Variants in KCTD8 observed in about 807,000 individuals in gnomAD.
KCTD8 encodes the protein potassium channel tetramerization domain containing 8, also known as BTB/POZ domain-containing protein KCTD8.
KCTD8 carries 27 observed loss-of-function variants against 31.5 expected under a neutral mutation model. The ratio of observed to expected loss-of-function variants is 0.86; its 90% CI spans 0.63 to 1.18. The LOEUF (loss-of-function observed/expected upper bound fraction) is 1.18, where lower values mean the gene tolerates loss of function less well. Ranked by LOEUF, KCTD8 falls within the 50% of genes most tolerant of loss-of-function variation. KCTD8 has a pLI of 0.00. For synonymous variants in KCTD8, 290 were observed against 280.0 expected (o/e 1.04, Z -0.36); for missense variants, 658 against 647.7 (o/e 1.02, Z -0.17).
intron 1 of KCTD8, among the ~76,000 whole-genome samples, chr4:44,249,214 A>G (rs927785288): frequency 6.6e-6 from 1 of 151,794 alleles, no homozygotes. Flanking sequence ...TTATGAACAA[A>G]GAAATATAGG....
intron 1 of KCTD8, among the ~76,000 whole-genome samples, chr4:44,320,983 C>T (rs554320215): frequency 2.1e-4 from 32 of 152,286 alleles, no homozygotes; most frequent in African/African-American, 7.5e-4. Flanking sequence ...CCAAAAATAG[C>T]ATTCCCAGGT....
At chr4:44,199,299 C>T (rs751380822) in intron 1 of KCTD8, among the ~76,000 whole-genome samples, 2 of 152,020 alleles carry the variant, frequency 1.3e-5, no homozygotes, top group Non-Finnish European at 2.9e-5. Flanking sequence ...ACCATTTGGA[C>T]CAAATAGATA....
intron 1 of KCTD8, among the ~76,000 whole-genome samples, chr4:44,245,790 C>A (rs2109359084): frequency 6.6e-6 from 1 of 152,006 alleles, no homozygotes; most frequent in Non-Finnish European, 1.5e-5. Context: ...AAGCAGCTAA[C>A]TCTTATGAAA....
chr4:44,231,863 G>T (rs1374694758), intron 1 of KCTD8, among the ~76,000 whole-genome samples: 2 of 151,670 alleles, frequency 1.3e-5, no homozygotes, highest in Non-Finnish European at 2.9e-5. Context: ...ATCAGTTCAG[G>T]TTGATTCTAA....
intron 1 of KCTD8, among the ~76,000 whole-genome samples, chr4:44,426,045 G>C (rs1032694117): frequency 6.6e-6 from 1 of 151,346 alleles, no homozygotes; most frequent in Non-Finnish European, 1.5e-5. Context: ...TAGAAACCAA[G>C]TAAAAGACTA....
intron 1 of KCTD8, among the ~76,000 whole-genome samples, chr4:44,310,837 T>G (rs2109398985): frequency 6.6e-6 from 1 of 152,272 alleles, no homozygotes; most frequent in Admixed American, 6.5e-5. Context: ...TGTGAGTGGG[T>G]GTGCAGACAC....
At chr4:44,354,869 C>A (rs190503378) in intron 1 of KCTD8, among the ~76,000 whole-genome samples, 1 of 152,096 alleles carries the variant, frequency 6.6e-6, no homozygotes, top group Non-Finnish European at 1.5e-5. Context: ...GGACATCATG[C>A]AGTTAGTATG....
chr4:44,242,834 CT>C (rs1016544441), intron 1 of KCTD8, among the ~76,000 whole-genome samples: 1 of 152,050 alleles, frequency 6.6e-6, no homozygotes, highest in African/African-American at 2.4e-5. Flanking sequence ...CCCTCTTCCT[CT>C]TGCTCCTGCT....
chr4:44,409,789 A>G (rs1294692917), intron 1 of KCTD8, among the ~76,000 whole-genome samples: 1 of 47,534 alleles, frequency 2.1e-5, no homozygotes, highest in Non-Finnish European at 5.2e-5. Flanking sequence ...AGTTTAGAGT[A>G]TATTAAAAAA....
chr4:44,284,518 C>A (rs1399817892), intron 1 of KCTD8, among the ~76,000 whole-genome samples: 1 of 152,072 alleles, frequency 6.6e-6, no homozygotes, highest in Non-Finnish European at 1.5e-5. Context: ...TCACAAAAAT[C>A]CTAGAAGAAA....
intron 1 of KCTD8, among the ~76,000 whole-genome samples, chr4:44,334,292 T>G (rs570656186): frequency 6.6e-6 from 1 of 152,228 alleles, no homozygotes; most frequent in South Asian, 2.1e-4. Context: ...CACATTCTGG[T>G]TATAAGGTAA....
chr4:44,326,622 C>A (rs1394638835), intron 1 of KCTD8, among the ~76,000 whole-genome samples: 1 of 151,790 alleles, frequency 6.6e-6, no homozygotes, highest in African/African-American at 2.4e-5. Context: ...ACAAATATGT[C>A]TTTCTTCCTC....
chr4:44,358,564 T>C (rs1719406482), intron 1 of KCTD8, among the ~76,000 whole-genome samples: 1 of 134,798 alleles, frequency 7.4e-6, no homozygotes, highest in Non-Finnish European at 1.7e-5. Flanking sequence ...TGTTGTTTCC[T>C]GACTTTTTTT....
intron 1 of KCTD8, among the ~76,000 whole-genome samples, chr4:44,176,473 T>C (rs2109327653): frequency 6.6e-6 from 1 of 152,248 alleles, no homozygotes; most frequent in East Asian, 1.9e-4. Context: ...GTCTAATATA[T>C]ATGAAATGAA....
chr4:44,423,144 G>A (rs1721262405), intron 1 of KCTD8, among the ~76,000 whole-genome samples: 1 of 152,056 alleles, frequency 6.6e-6, no homozygotes, highest in African/African-American at 2.4e-5. Context: ...AGCATCTGTT[G>A]GCTAGAGGAC....
At chr4:44,289,816 C>T (rs540223164) in intron 1 of KCTD8, among the ~76,000 whole-genome samples, 14 of 152,236 alleles carry the variant, frequency 9.2e-5, no homozygotes, top group East Asian at 5.8e-4. Flanking sequence ...GCCCATATCC[C>T]AAGGCTCTCA....
intron 1 of KCTD8, among the ~76,000 whole-genome samples, chr4:44,386,211 A>T (rs1016922278): frequency 2.0e-5 from 3 of 151,692 alleles, no homozygotes; most frequent in South Asian, 2.1e-4. Context: ...ATACTCCCAA[A>T]ATTGAAAGCA....
At chr4:44,318,668 C>T (rs1341901740) in intron 1 of KCTD8, among the ~76,000 whole-genome samples, 1 of 152,098 alleles carries the variant, frequency 6.6e-6, no homozygotes, top group Non-Finnish European at 1.5e-5. Context: ...TAAGGAATGG[C>T]TGAGATTTGA....
At chr4:44,274,015 TAA>T (rs927699238) in intron 1 of KCTD8, among the ~76,000 whole-genome samples, 5 of 151,950 alleles carry the variant, frequency 3.3e-5, no homozygotes, top group Non-Finnish European at 5.9e-5. Flanking sequence ...AAAGTCCTGT[TAA>T]GTTTACTTTT....
Sources: gnomAD v4.1 joint callset for allele counts (sites outside exome capture counted in the v4.1 genomes callset) on GRCh38, gnomAD v4.1.1 for gene constraint, MANE v1.5 for transcripts, NCBI Gene and HGNC (gene_info 2026-07-23, HGNC 2026-07-21) for gene names.